Variants in NELL1 observed in about 807,000 individuals in gnomAD.
NELL1 encodes protein kinase C-binding protein NELL1.
A neutral mutation model predicts 107.4 loss-of-function variants in NELL1; 76 were observed. The ratio of observed to expected loss-of-function variants is 0.71; its 90% CI spans 0.59 to 0.86. NELL1 has a LOEUF of 0.86. Among genes scored for constraint, NELL1 ranks in the 40% least tolerant of loss-of-function variants. The pLI is 0.00. For missense variants in NELL1, 1,024 were observed against 1,005.5 expected (o/e 1.02, Z -0.25); for synonymous variants, 353 against 341.2 (o/e 1.03, Z -0.38).
In NELL1 at chr11:21,493,527, T is replaced by TAAAAA. The variant is rs36125830; in HGVS notation, c.1646-40838_1646-40834dup. Among the ~76,000 whole-genome samples, 4 of 149,576 alleles carry TAAAAA rather than the reference T, an allele frequency of 2.7e-5. No individual in the cohort carries two copies. In the South Asian group the frequency reaches 8.4e-4, roughly 31 times the overall value. ...CATATTCTCACTTATGTGTAGGAGC[T>TAAAAA]AAAAAAAAAAAAATTGATCTTCTGG... On this transcript the variant is annotated intron_variant, in intron 15 of 19. Transcript: ENST00000357134.
chr11:21,479,621 G>A (rs888495657), intron 15 of NELL1, among the ~76,000 whole-genome samples: 10 of 152,096 alleles, frequency 6.6e-5, no homozygotes, highest in South Asian at 2.1e-4. Context: ...TAATTTGATA[G>A]CATAAAAGGG....
intron 15 of NELL1, among the ~76,000 whole-genome samples, chr11:21,401,872 AC>A (rs879565567): frequency 5.9e-5 from 9 of 151,744 alleles, no homozygotes; most frequent in Non-Finnish European, 1.3e-4. Flanking sequence ...TGAGATAATA[AC>A]CTCTACTTTA....
intron 15 of NELL1, among the ~76,000 whole-genome samples, chr11:21,410,496 T>C (rs1852349286): frequency 6.6e-6 from 1 of 152,048 alleles, no homozygotes; most frequent in Non-Finnish European, 1.5e-5. Context: ...TATTCTTTTT[T>C]ACATTTCCTT....
At chr11:21,239,366 T>C (rs907913317) in intron 14 of NELL1, among the ~76,000 whole-genome samples, 1 of 152,006 alleles carries the variant, frequency 6.6e-6, no homozygotes, top group Non-Finnish European at 1.5e-5. Flanking sequence ...CACTATTTGT[T>C]GGAAAAAATA....
intron 17 of NELL1, among the ~76,000 whole-genome samples, chr11:21,570,066 C>T (rs1280091201): frequency 6.6e-6 from 1 of 151,828 alleles, no homozygotes; most frequent in Non-Finnish European, 1.5e-5. Flanking sequence ...TGCTGACTTT[C>T]AATTTTTTAT....
Position 20,669,683 on chromosome 11 carries a change from T to C in NELL1, c.-41T>C. 1.9e-6 allele frequency: 3 copies of C among 1,579,894 alleles called. No individual in the cohort carries two copies. The highest frequency in any genetic ancestry group is 2.6e-6 in the Non-Finnish European group (3 of 1,149,552). On this transcript the variant is annotated 5_prime_UTR_variant, in exon 1 of 20. Coordinates refer to ENST00000357134, the MANE Select transcript of NELL1 (RefSeq NM_006157.5). The surrounding 1 kb of genome is among the most constrained non-coding windows in gnomAD (Gnocchi z 4.4). ...GGATCCAGGCTCATTTGCTTCCACC[T>C]AGCTTCGGTGCCCCCTGCTAGGCGG...
chr11:20,749,264 GA>G (rs769452321), intron 2 of NELL1, among the ~76,000 whole-genome samples: 2 of 151,986 alleles, frequency 1.3e-5, no homozygotes, highest in Non-Finnish European at 1.5e-5. Context: ...TTTTGTAAAA[GA>G]GCAAAAAAGT....
chr11:21,485,778 A>G (rs1854613031), intron 15 of NELL1, among the ~76,000 whole-genome samples: 3 of 152,034 alleles, frequency 2.0e-5, no homozygotes, highest in Admixed American at 2.0e-4. Flanking sequence ...TCCTACCAGA[A>G]GGCCTGAGGA....
At chr11:21,417,832 C>A (rs1187320195) in intron 15 of NELL1, among the ~76,000 whole-genome samples, 1 of 152,038 alleles carries the variant, frequency 6.6e-6, no homozygotes, top group Non-Finnish European at 1.5e-5. Context: ...ACCTCACATC[C>A]TTTACCCATG....
intron 15 of NELL1, among the ~76,000 whole-genome samples, chr11:21,395,379 G>A (rs1339201155): frequency 3.3e-5 from 5 of 151,536 alleles, no homozygotes; most frequent in Non-Finnish European, 7.4e-5. Flanking sequence ...GGAAAGTCAA[G>A]TATCCCTTCT....
Position 21,529,003 on chromosome 11 carries a change from G to T in NELL1, c.1646-5371G>T, listed in dbSNP as rs115167598. Among the ~76,000 whole-genome samples the T allele has an allele frequency of 9.5e-3, 1,448 of 151,858 alleles. 19 individuals are homozygous for T. The highest frequency in any genetic ancestry group is 0.033 in the African/African-American group (1,380 of 41,454). On this transcript the variant is annotated intron_variant, in intron 15 of 19. Transcript: ENST00000357134. ...AGTCTTTTCCCTGAATATGGAAAAG[G>T]GTCTCTCATAATAATTAGGAAATGC... is the stretch of plus-strand genomic sequence containing the variant.
chr11:21,184,213 GTCC>G (rs775854579), intron 13 of NELL1, among the ~76,000 whole-genome samples: 3 of 151,740 alleles, frequency 2.0e-5, no homozygotes, highest in Non-Finnish European at 4.4e-5. Flanking sequence ...CCCATTCTAT[GTCC>G]TCCTCTTTTT....
At chr11:21,142,789 G>A (rs919532647) in intron 13 of NELL1, among the ~76,000 whole-genome samples, 13 of 152,094 alleles carry the variant, frequency 8.5e-5, no homozygotes, top group African/African-American at 2.9e-4. Context: ...TCTGCAAAAG[G>A]ACACAATGAT....
intron 13 of NELL1, among the ~76,000 whole-genome samples, chr11:21,157,161 A>ATATATGTGTGTGTG (rs372420048): frequency 6.7e-6 from 1 of 149,626 alleles, no homozygotes; most frequent in African/African-American, 2.5e-5. Context: ...ATATATATAT[A>ATATATGTGTGTGTG]TGTGTGTGTG....
At chr11:20,845,789 T>C (rs573680290) in intron 3 of NELL1, among the ~76,000 whole-genome samples, 14 of 152,278 alleles carry the variant, frequency 9.2e-5, no homozygotes, top group African/African-American at 2.9e-4. Context: ...CACCCTTTTT[T>C]TGGGGGGGCC....
intron 12 of NELL1, among the ~76,000 whole-genome samples, chr11:20,970,836 T>A (rs566389202): frequency 1.3e-5 from 2 of 152,228 alleles, no homozygotes; most frequent in Admixed American, 1.3e-4. Flanking sequence ...GATGCTGGTA[T>A]CACAGTGGGT....
intron 12 of NELL1, among the ~76,000 whole-genome samples, chr11:21,055,642 G>A (rs1032709793): frequency 1.3e-5 from 2 of 151,930 alleles, no homozygotes; most frequent in African/African-American, 4.8e-5. Context: ...ATTGACCGAC[G>A]GTTTTATTTT....
intron 13 of NELL1, among the ~76,000 whole-genome samples, chr11:21,187,466 A>G (rs1219319839): frequency 6.6e-6 from 1 of 151,916 alleles, no homozygotes. Flanking sequence ...ACTTAAAATG[A>G]TAAATTCATC....
At chr11:21,223,580 A>G (rs1486768550) in intron 13 of NELL1, among the ~76,000 whole-genome samples, 2 of 152,186 alleles carry the variant, frequency 1.3e-5, no homozygotes, top group East Asian at 3.9e-4. Flanking sequence ...ATATTGATAG[A>G]TGAGTACTTA....
Sources: allele counts gnomAD v4.1 joint callset (sites outside exome capture counted in the v4.1 genomes callset), GRCh38; gene constraint gnomAD v4.1.1; non-coding constraint Gnocchi (gnomAD v3.1); transcripts MANE v1.5; gene names NCBI Gene and HGNC (gene_info 2026-07-23, HGNC 2026-07-21).